Variants in PNLIPRP3 observed in about 807,000 individuals in gnomAD.
PNLIPRP3 encodes pancreatic lipase-related protein 3.
PNLIPRP3 carries 58 observed loss-of-function variants against 52.8 expected under a neutral mutation model. The observed-to-expected ratio is 1.10, with a 90% confidence interval of 0.89 to 1.37. The LOEUF is 1.37. Ranked by LOEUF, PNLIPRP3 falls within the 40% of genes most tolerant of loss-of-function variation. PNLIPRP3 has a pLI of 0.00. For missense variants in PNLIPRP3, 593 were observed against 561.6 expected (o/e 1.06, Z -0.57); for synonymous variants, 192 against 185.0 (o/e 1.04, Z -0.31).
At chr10:116,447,423 A>T (rs1230696336) in intron 4 of PNLIPRP3, among the ~76,000 whole-genome samples, 3 of 152,204 alleles carry the variant, frequency 2.0e-5, no homozygotes, top group African/African-American at 7.2e-5. Context: ...AGTCAAGGAA[A>T]ATGAAGAAAC....
chr10:116,433,145 A>AAAAAAAAAC, intron 1 of PNLIPRP3, among the ~76,000 whole-genome samples: 1 of 148,788 alleles, frequency 6.7e-6, no homozygotes, highest in East Asian at 2.0e-4. Context: ...AAAAAAAAAA[A>AAAAAAAAAC]AGTCTTGGAG....
At chr10:116,469,732 G>A (rs55674364) in intron 9 of PNLIPRP3, among the ~76,000 whole-genome samples, 14,343 of 152,150 alleles carry the variant, frequency 0.094, 868 homozygotes, top group East Asian at 0.25. Context: ...GAGACTGGGA[G>A]GACAGTGATA....
chr10:116,430,633 G>A (rs940583037), intron 1 of PNLIPRP3, among the ~76,000 whole-genome samples: 1 of 151,988 alleles, frequency 6.6e-6, no homozygotes, highest in Admixed American at 6.6e-5. Context: ...GAATTGAGGA[G>A]AGAAATGTCT....
At chr10:116,446,016 T>C (rs1845942875) in intron 4 of PNLIPRP3, among the ~76,000 whole-genome samples, 1 of 151,906 alleles carries the variant, frequency 6.6e-6, no homozygotes, top group South Asian at 2.1e-4. Context: ...TACCAACCTA[T>C]ATAAGGAGAT....
chr10:116,434,394 A>G (rs1047741473), intron 1 of PNLIPRP3, among the ~76,000 whole-genome samples: 3 of 152,176 alleles, frequency 2.0e-5, no homozygotes. Flanking sequence ...TTTTAAAACT[A>G]TATCCTTTAT....
At chr10:116,473,715 T>C (rs1846411076) in intron 10 of PNLIPRP3, among the ~76,000 whole-genome samples, 1 of 151,722 alleles carries the variant, frequency 6.6e-6, no homozygotes, top group Non-Finnish European at 1.5e-5. Context: ...AGAGACGGGG[T>C]TCACCATGTT....
At chr10:116,442,006 CA>C (rs1845865439) in intron 2 of PNLIPRP3, among the ~76,000 whole-genome samples, 1 of 152,116 alleles carries the variant, frequency 6.6e-6, no homozygotes, top group African/African-American at 2.4e-5. Flanking sequence ...TGATTAATTG[CA>C]TTACTATTAA....
At chr10:116,439,551 T>C in intron 2 of PNLIPRP3, 1 of 846,156 alleles carries the variant, frequency 1.2e-6, no homozygotes, top group Non-Finnish European at 2.0e-6. Context: ...CTTTGCGCCA[T>C]CAAACTTTAC....
chr10:116,430,930 T>C (rs12265880), intron 1 of PNLIPRP3, among the ~76,000 whole-genome samples: 18,988 of 152,142 alleles, frequency 0.12, 3,547 homozygotes, highest in African/African-American at 0.4. Flanking sequence ...TAGCTCCACT[T>C]AGGTATCTAA....
chr10:116,459,441 C>T (rs1049670926), intron 5 of PNLIPRP3, among the ~76,000 whole-genome samples: 5 of 152,128 alleles, frequency 3.3e-5, no homozygotes, highest in African/African-American at 1.2e-4. Flanking sequence ...GCCTCTATAT[C>T]ACAGCAAAGG....
At chr10:116,476,555 C>G in intron 10 of PNLIPRP3, 97 bp from the exon 11 acceptor site, 7 of 918,692 alleles carry the variant, frequency 7.6e-6, no homozygotes, top group Non-Finnish European at 1.1e-5. Context: ...CTAGCAAATA[C>G]AAGTTTCTCT....
At chr10:116,448,589 G>A (rs1845990087) in intron 4 of PNLIPRP3, among the ~76,000 whole-genome samples, 1 of 152,194 alleles carries the variant, frequency 6.6e-6, no homozygotes. Flanking sequence ...GCTCATGCCT[G>A]TAATCCCAGT....
intron 3 of PNLIPRP3, among the ~76,000 whole-genome samples, chr10:116,443,802 CATATATATATATATATATATATATAT>C (rs1200044232): frequency 7.6e-5 from 1 of 13,088 alleles, no homozygotes; most frequent in African/African-American, 1.1e-4. Context: ...TGTGTGTGTG[CATATATATATATATATATATATATAT>C]ATATATATAT....
rs1471983300 is a variant in PNLIPRP3, at chr10:116,477,254, T to A, written c.*101T>A. On this transcript the variant is annotated 3_prime_UTR_variant, in exon 12 of 12. Coordinates refer to ENST00000369230, the MANE Select transcript of PNLIPRP3 (RefSeq NM_001011709.3). ...CCAAATTTGACCCTTGTAAATGACT[T>A]AGTCATTTACAAGGGTCTTACTCAG... The A allele has an allele frequency of 6.2e-5, 57 of 922,506 alleles. No homozygotes were observed. The highest frequency in any genetic ancestry group is 1.0e-4 in the East Asian group (4 of 39,684). 57.1% of individuals were successfully genotyped at this position (922,506 alleles called of 1,614,324 possible). A position where few individuals can be genotyped will look rare whatever the true frequency, so the allele number is the denominator to read the frequency against.
chr10:116,461,434 C>T (rs1846191392), intron 7 of PNLIPRP3, 144 bp downstream of exon 7: 1 of 1,015,936 alleles, frequency 9.8e-7, no homozygotes, highest in African/African-American at 1.6e-5. Flanking sequence ...AGCTCTCCCA[C>T]CTGTTCTCAG....
intron 11 of PNLIPRP3, 103 bp downstream of exon 11, chr10:116,476,922 G>A (rs1936194116): frequency 7.6e-7 from 1 of 1,311,364 alleles, no homozygotes; most frequent in African/African-American, 1.5e-5. Context: ...AAAATTTATA[G>A]ACTTTGAAAT....
chr10:116,432,172 C>T (rs1433466678), intron 1 of PNLIPRP3, among the ~76,000 whole-genome samples: 1 of 152,178 alleles, frequency 6.6e-6, no homozygotes, highest in East Asian at 1.9e-4. Context: ...CTAATAGCAT[C>T]TGGCAAATAA....
At chr10:116,453,329 A>G (rs1041689816) in intron 4 of PNLIPRP3, among the ~76,000 whole-genome samples, 3 of 152,114 alleles carry the variant, frequency 2.0e-5, no homozygotes, top group African/African-American at 7.2e-5. Flanking sequence ...TCATAGGTAA[A>G]AGGAACTTGG....
intron 2 of PNLIPRP3, among the ~76,000 whole-genome samples, chr10:116,439,108 T>C (rs1845821308): frequency 6.6e-6 from 1 of 152,214 alleles, no homozygotes; most frequent in Non-Finnish European, 1.5e-5. Context: ...ATGGTAGTGA[T>C]AGCTGCATGA....
Sources: gnomAD v4.1 joint callset for allele counts (sites outside exome capture counted in the v4.1 genomes callset) on GRCh38, gnomAD v4.1.1 for gene constraint, MANE v1.5 for transcripts, NCBI Gene and HGNC (gene_info 2026-07-23, HGNC 2026-07-21) for gene names.